The following FAM3B variants were observed in gnomAD, a reference collection of about 807,000 sequenced individuals.
The protein encoded by FAM3B is FAM3 metabolism regulating signaling molecule B.
FAM3B carries 29 observed loss-of-function variants against 28.4 expected under a neutral mutation model. The ratio of observed to expected loss-of-function variants is 1.02; its 90% CI spans 0.76 to 1.39. The LOEUF is 1.39. Among genes scored for constraint, FAM3B ranks in the 40% most tolerant of loss-of-function variants. The pLI is 0.00. For synonymous variants in FAM3B, 91 were observed against 103.0 expected (o/e 0.88, Z 0.71); for missense variants, 266 against 293.9 (o/e 0.91, Z 0.69).
Position 41,348,630 on chromosome 21 carries a change from G to A in FAM3B, c.524G>A (p.Gly175Glu), listed in dbSNP as rs2089086413. The A allele has an allele frequency of 1.2e-6, 2 of 1,614,224 alleles. No homozygotes were observed. The highest frequency in any genetic ancestry group is 1.7e-6 in the Non-Finnish European group (2 of 1,180,042). ...NDAKNAIEAL[G>E]SKEIRNMKFR... ...GCCAAGAATGCCATAGAAGCACTTG[G>A]AAGTAAAGAAATCAGGAACATGAAA... The change falls in exon 7 of 8, where the codon GGA becomes GAA. Residue 175 changes from glycine (G) to glutamate (E), a missense_variant. Gly to Glu is a moderately conservative substitution (Grantham distance 98). Transcript: ENST00000357985.
chr21:41,318,108 C>G, intron 1 of FAM3B, among the ~76,000 whole-genome samples: 1 of 152,098 alleles, frequency 6.6e-6, no homozygotes, highest in East Asian at 1.9e-4. Context: ...TTTTCACATC[C>G]GGACCTCATG....
chr21:41,310,811 G>A (rs2088704971), intron 1 of FAM3B, among the ~76,000 whole-genome samples: 1 of 152,196 alleles, frequency 6.6e-6, no homozygotes, highest in Admixed American at 6.5e-5. Context: ...AGGGTGAAGG[G>A]CAGCTGCATA....
intron 2 of FAM3B, among the ~76,000 whole-genome samples, chr21:41,323,312 C>T (rs917308154): frequency 1.3e-5 from 2 of 152,202 alleles, no homozygotes; most frequent in African/African-American, 4.8e-5. Context: ...GCAGCCAGAC[C>T]TTGAACTGTG....
intron 2 of FAM3B, among the ~76,000 whole-genome samples, chr21:41,335,122 T>G (rs893093438): frequency 1.3e-5 from 2 of 152,220 alleles, no homozygotes; most frequent in Non-Finnish European, 2.9e-5. Flanking sequence ...AATAACTTCT[T>G]TTTGATTTTA....
intron 7 of FAM3B, among the ~76,000 whole-genome samples, chr21:41,349,433 G>A (rs946191371): frequency 6.6e-6 from 1 of 152,260 alleles, no homozygotes; most frequent in East Asian, 1.9e-4. Context: ...AAATTGTGCT[G>A]CATGACCAAG....
chr21:41,353,318 C>T (rs1393561889), intron 7 of FAM3B, among the ~76,000 whole-genome samples: 1 of 152,158 alleles, frequency 6.6e-6, no homozygotes, highest in African/African-American at 2.4e-5. Context: ...TCCTAAAATT[C>T]ATATGGAAAT....
Position 41,326,381 on chromosome 21 carries a change from G to A in FAM3B, c.163+3315G>A, listed in dbSNP as rs1444157411. On this transcript the variant is annotated intron_variant, in intron 2 of 7. Transcript: ENST00000357985. The surrounding 1 kb of genome is among the most constrained non-coding windows in gnomAD (Gnocchi z 4.0). ...TTTTTAAATGACACATGGGTTCCCT[G>A]CCCACTCCCAGGCCCTGTGAGGAAA... Among the ~76,000 whole-genome samples, 1 of 152,192 alleles carries A rather than the reference G, an allele frequency of 6.6e-6. No homozygotes were observed. Among genetic ancestry groups the A allele is most frequent in the Non-Finnish European group, 1.5e-5 (1 of 68,028 alleles).
chr21:41,317,905 A>G (rs897439880), intron 1 of FAM3B, among the ~76,000 whole-genome samples: 1 of 152,192 alleles, frequency 6.6e-6, no homozygotes, highest in Non-Finnish European at 1.5e-5. Context: ...CTTAAAAACT[A>G]TAAATGACAC....
At chr21:41,311,476 A>T (rs1408662212) in intron 1 of FAM3B, among the ~76,000 whole-genome samples, 1 of 151,032 alleles carries the variant, frequency 6.6e-6, no homozygotes, top group Non-Finnish European at 1.5e-5. Context: ...AAAAAAATTA[A>T]AAATGACAAA....
intron 5 of FAM3B, 52 bp from the exon 6 acceptor site, chr21:41,346,961 A>G: frequency 6.5e-7 from 1 of 1,529,520 alleles, no homozygotes; most frequent in Middle Eastern, 1.7e-4. Context: ...CACCCAAGGC[A>G]GAGCCTCAGT....
At chr21:41,328,940 C>CT (rs2088880170) in intron 2 of FAM3B, among the ~76,000 whole-genome samples, 1 of 152,230 alleles carries the variant, frequency 6.6e-6, no homozygotes, top group South Asian at 2.1e-4. Context: ...CGCAGCACTT[C>CT]TGTGTGCCCA....
intron 1 of FAM3B, among the ~76,000 whole-genome samples, chr21:41,305,471 CCTT>C (rs979475892): frequency 5.9e-5 from 9 of 152,158 alleles, no homozygotes; most frequent in African/African-American, 1.9e-4. Context: ...TTTTGTTTTG[CCTT>C]CTTTCTCAAA....
intron 2 of FAM3B, among the ~76,000 whole-genome samples, chr21:41,330,256 C>A (rs1186542757): frequency 6.6e-6 from 1 of 151,980 alleles, no homozygotes; most frequent in African/African-American, 2.4e-5. Flanking sequence ...AAATATTCAT[C>A]AGAGCGTTTT....
At chr21:41,341,960 G>A (rs1452455835) in intron 3 of FAM3B, among the ~76,000 whole-genome samples, 1 of 152,206 alleles carries the variant, frequency 6.6e-6, no homozygotes, top group African/African-American at 2.4e-5. Flanking sequence ...CCTCCTGCAT[G>A]TTCTGCTGAT....
Position 41,318,108 on chromosome 21 carries a change from C to T in FAM3B, c.19+1210C>T, listed in dbSNP as rs563470231. Among the ~76,000 whole-genome samples, 232 of 152,210 alleles carry T rather than the reference C, an allele frequency of 1.5e-3. 2 individuals are homozygous for T. The highest frequency in any genetic ancestry group is 6.8e-3 in the Middle Eastern group (2 of 294). On this transcript the variant is annotated intron_variant, in intron 1 of 7. Coordinates refer to ENST00000357985, the MANE Select transcript of FAM3B (RefSeq NM_058186.4). ...CCCTCAGCCAGGACTTTTTCACATCCGGACCTCATGATTCACTCATGAGCT... is the reference window on the plus strand; with the variant it reads ...CCCTCAGCCAGGACTTTTTCACATCTGGACCTCATGATTCACTCATGAGCT...
rs1036178818 is a variant in FAM3B, at chr21:41,317,301, C to A, written c.19+403C>A. On this transcript the variant is annotated intron_variant, in intron 1 of 7. Transcript: ENST00000357985. ...ACGCTTCTCCTTCCGGGGAAGGGTA[C>A]GCGCCTGCCCCTGCCCCTGACCTTG... Among the ~76,000 whole-genome samples the A allele has an allele frequency of 2.2e-4, 33 of 148,858 alleles. No homozygotes were observed. The Middle Eastern group carries it at 0.01, about 46-fold the overall frequency.
chr21:41,343,967 A>T lies in FAM3B; in HGVS notation c.288-509A>T, dbSNP rs904508748. 5.9e-5 allele frequency among the ~76,000 whole-genome samples: 9 copies of T among 152,160 alleles called. No homozygotes were observed. The East Asian group carries it at 7.7e-4, about 13-fold the overall frequency. ...ACTCCGTCTCTACAAAAAAATTTTT[A>T]AAATTAGCCTGTTGTAGTGGTGCAC... is the stretch of plus-strand genomic sequence containing the variant. On this transcript the variant is annotated intron_variant, in intron 3 of 7. Coordinates refer to ENST00000357985, the MANE Select transcript of FAM3B (RefSeq NM_058186.4).
intron 3 of FAM3B, among the ~76,000 whole-genome samples, chr21:41,343,349 T>C (rs2089024378): frequency 6.6e-6 from 1 of 152,244 alleles, no homozygotes; most frequent in Non-Finnish European, 1.5e-5. Context: ...TTATTTGGTC[T>C]CTAACGTATA....
At chr21:41,341,559 C>T (rs925101334) in intron 3 of FAM3B, among the ~76,000 whole-genome samples, 5 of 152,138 alleles carry the variant, frequency 3.3e-5, no homozygotes, top group Non-Finnish European at 5.9e-5. Context: ...TTATTTAATT[C>T]AACACTTGTT....
Sources: allele counts gnomAD v4.1 joint callset (sites outside exome capture counted in the v4.1 genomes callset), GRCh38; gene constraint gnomAD v4.1.1; non-coding constraint Gnocchi (gnomAD v3.1); transcripts MANE v1.5; gene names NCBI Gene and HGNC (gene_info 2026-07-23, HGNC 2026-07-21).